The following C6 variants were observed in gnomAD, a reference collection of about 807,000 sequenced individuals.
The protein encoded by C6 is complement component C6.
In C6, 101 loss-of-function variants were observed where a neutral mutation model predicts 112.9. That is an observed-to-expected ratio of 0.89 (90% CI 0.76 to 1.06). The LOEUF is 1.06. C6 is among the 50% of genes least tolerant of loss of function. The pLI is 0.00. For synonymous variants in C6, 431 were observed against 384.1 expected, an observed-to-expected ratio of 1.12 and a Z score of -1.43; for missense variants, 1,202 against 1,104.6, an observed-to-expected ratio of 1.09 and a Z score of -1.25.
At chr5:41,231,941 T>C (rs1739929599) in intron 1 of C6, among the ~76,000 whole-genome samples, 1 of 152,052 alleles carries the variant, frequency 6.6e-6, no homozygotes, top group Non-Finnish European at 1.5e-5. Flanking sequence ...ACTGCTTTAC[T>C]CAGTGATTGG....
At chr5:41,157,890 A>T (rs1747070059) in intron 13 of C6, among the ~76,000 whole-genome samples, 1 of 152,208 alleles carries the variant, frequency 6.6e-6, no homozygotes, top group African/African-American at 2.4e-5. Context: ...GTCCTTATGC[A>T]TGGGCAGAAG....
chr5:41,228,783 C>A (rs1488926530), intron 1 of C6, among the ~76,000 whole-genome samples: 1 of 152,080 alleles, frequency 6.6e-6, no homozygotes, highest in East Asian at 1.9e-4. Context: ...TATGGTAAAT[C>A]ATCCTTGCAT....
Position 41,142,346 on chromosome 5 carries a change from C to T in C6, c.*479G>A, listed in dbSNP as rs1745428077. 6.2e-6 allele frequency: 1 copy of T among 162,140 alleles called. No homozygotes were observed. 10.0% of individuals were successfully genotyped at this position (162,140 alleles called of 1,614,324 possible). Reference sequence around the variant, plus strand: ...TTTATTATCTGCCGAGTTCTCAGGACTTTGGTCAGTACTTGACATCCTGTA... The same window carrying T: ...TTTATTATCTGCCGAGTTCTCAGGATTTTGGTCAGTACTTGACATCCTGTA... On this transcript the variant is annotated 3_prime_UTR_variant, in exon 18 of 18. Transcript: ENST00000337836.
intron 15 of C6, chr5:41,153,150 C>G (rs1015607739): frequency 3.3e-5 from 5 of 152,252 alleles, no homozygotes; most frequent in African/African-American, 1.2e-4. Context: ...CTTTACCTCA[C>G]AGTGTCGGGT....
chr5:41,243,435 T>C (rs138054038), intron 1 of C6, among the ~76,000 whole-genome samples: 2,106 of 152,356 alleles, frequency 0.014, 20 homozygotes, highest in South Asian at 0.024. Flanking sequence ...AAAATTTTTA[T>C]TCTAGGCTCT....
At chr5:41,193,416 C>A (rs959316346) in intron 5 of C6, among the ~76,000 whole-genome samples, 6 of 152,214 alleles carry the variant, frequency 3.9e-5, no homozygotes, top group African/African-American at 1.4e-4. Flanking sequence ...TAGTGTTTCA[C>A]ATACAGCATT....
chr5:41,183,692 G>A (rs1028721555), intron 6 of C6, among the ~76,000 whole-genome samples: 1 of 152,078 alleles, frequency 6.6e-6, no homozygotes, highest in Non-Finnish European at 1.5e-5. Flanking sequence ...CATGTTTATC[G>A]CAGTACTATT....
Position 41,161,782 on chromosome 5 carries a change from A to G in C6, c.1369T>C (p.Trp457Arg), listed in dbSNP as rs1042948478. 2 of 1,613,648 alleles carry G rather than the reference A, an allele frequency of 1.2e-6. No homozygotes were observed. The highest frequency in any genetic ancestry group is 1.7e-5 in the Admixed American group (1 of 59,984). ...GRSEYGAALA[W>R]EKGSSGLEEK... ...TCCAGACCAGAGCTCCCTTTCTCCC[A>G]TGCCAAAGCTGCTCCATATTCACTC... is the stretch of plus-strand genomic sequence containing the variant. Residue 457 changes from tryptophan to arginine, a missense_variant, in exon 10 of 18, where the codon TGG (tryptophan) becomes CGG (arginine). Coordinates refer to ENST00000337836, the MANE Select transcript of C6 (RefSeq NM_000065.5).
intron 1 of C6, among the ~76,000 whole-genome samples, chr5:41,239,268 C>G (rs549278257): frequency 1.3e-5 from 2 of 151,766 alleles, no homozygotes; most frequent in Admixed American, 6.6e-5. Flanking sequence ...CGTGCCACCA[C>G]GCCCAGCTAA....
chr5:41,149,572 C>A, intron 16 of C6, 90 bp from the exon 17 acceptor site: 1 of 1,556,300 alleles, frequency 6.4e-7, no homozygotes, highest in Non-Finnish European at 8.8e-7. Context: ...ACTCACCAAC[C>A]AGTTTTCTTT....
At chr5:41,198,940 C>T (rs908672007) in intron 4 of C6, among the ~76,000 whole-genome samples, 4 of 152,094 alleles carry the variant, frequency 2.6e-5, no homozygotes, top group Admixed American at 6.6e-5. Flanking sequence ...CAATTTGTGA[C>T]ATGACCTTAT....
At chr5:41,193,648 A>G (rs1658172035) in intron 5 of C6, among the ~76,000 whole-genome samples, 2 of 152,120 alleles carry the variant, frequency 1.3e-5, no homozygotes, top group African/African-American at 4.8e-5. Context: ...AGCCTGGGTA[A>G]AAACAAATAG....
intron 9 of C6, among the ~76,000 whole-genome samples, chr5:41,164,116 G>C (rs1467942707): frequency 1.3e-5 from 2 of 151,884 alleles, no homozygotes; most frequent in East Asian, 1.9e-4. Flanking sequence ...AGGTAGAAAG[G>C]GGGGAGGGAG....
chr5:41,230,731 C>T (rs1327816536), intron 1 of C6, among the ~76,000 whole-genome samples: 2 of 152,128 alleles, frequency 1.3e-5, no homozygotes, highest in Non-Finnish European at 2.9e-5. Flanking sequence ...CTAATAAAAA[C>T]GTGCTGGTTT....
chr5:41,195,746 G>A (rs964238596), intron 5 of C6, 46 bp downstream of exon 5: 1 of 1,598,372 alleles, frequency 6.3e-7, no homozygotes, highest in African/African-American at 1.3e-5. Flanking sequence ...TGACTCATTT[G>A]TTCTGATACC....
intron 8 of C6, 149 bp downstream of exon 8, chr5:41,176,326 G>T: frequency 1.3e-6 from 1 of 795,944 alleles, no homozygotes; most frequent in Non-Finnish European, 1.9e-6. Flanking sequence ...TTATTTGAAT[G>T]TGTATTTTTT....
At chr5:41,212,410 C>T (rs539651405) in intron 1 of C6, among the ~76,000 whole-genome samples, 212 of 152,212 alleles carry the variant, frequency 1.4e-3, no homozygotes, top group African/African-American at 4.8e-3. Flanking sequence ...TCACCTGCCT[C>T]GGCCTCCCAA....
chr5:41,179,655 G>GTT (rs1448862861), intron 7 of C6, among the ~76,000 whole-genome samples: 2 of 147,972 alleles, frequency 1.4e-5, no homozygotes, highest in Non-Finnish European at 3.0e-5. Context: ...TCTAAACTAA[G>GTT]TTATATATAT....
At chr5:41,257,984 C>CT (rs1392118644) in intron 1 of C6, among the ~76,000 whole-genome samples, 3 of 151,918 alleles carry the variant, frequency 2.0e-5, no homozygotes, top group Non-Finnish European at 4.4e-5. Context: ...AGAAAAAAAT[C>CT]TTTTTACATA....
Sources: gnomAD v4.1 joint callset for allele counts (sites outside exome capture counted in the v4.1 genomes callset) on GRCh38, gnomAD v4.1.1 for gene constraint, MANE v1.5 for transcripts, NCBI Gene and HGNC (gene_info 2026-07-23, HGNC 2026-07-21) for gene names.